The following SLC5A4 variants were observed in gnomAD, a reference collection of about 807,000 sequenced individuals.
The protein encoded by SLC5A4 is solute carrier family 5 member 4, also known as probable glucose sensor protein SLC5A4.
In SLC5A4, 55 loss-of-function variants were observed where a neutral mutation model predicts 70.3. The observed-to-expected ratio is 0.78, with a 90% CI of 0.63 to 0.98. The LOEUF is 0.98. Among genes scored for constraint, SLC5A4 ranks in the 50% least tolerant of loss-of-function variants. The pLI is 0.00. For missense variants in SLC5A4, 735 were observed against 839.2 expected, an observed-to-expected ratio of 0.88 and a Z score of 1.53; for synonymous variants, 268 against 305.7, an observed-to-expected ratio of 0.88 and a Z score of 1.29.
the SLC5A4 span, among the ~76,000 whole-genome samples, chr22:32,294,387 AG>A: frequency 8.9e-6 from 1 of 112,490 alleles, no homozygotes. Flanking sequence ...TGCAATTGTG[AG>A]AAGTAGTACA....
chr22:32,229,412 T>A, intron 10 of SLC5A4, 68 bp from the exon 11 acceptor site: 1 of 1,542,702 alleles, frequency 6.5e-7, no homozygotes, highest in South Asian at 1.2e-5. Context: ...CAGAGAGGGT[T>A]GAAAGGTTAA....
the SLC5A4 span, among the ~76,000 whole-genome samples, chr22:32,310,222 T>G: frequency 1.3e-5 from 2 of 152,048 alleles, no homozygotes; most frequent in Admixed American, 1.3e-4. Flanking sequence ...CAGTTCCTTT[T>G]TGGCAGAGTA....
At chr22:32,297,389 T>C in the SLC5A4 span, among the ~76,000 whole-genome samples, 1 of 151,682 alleles carries the variant, frequency 6.6e-6, no homozygotes, top group African/African-American at 2.4e-5. Context: ...TGGGAGAGTG[T>C]ACGTGTCCAG....
At chr22:32,326,616 C>CCTACTTGTA in the SLC5A4 span, among the ~76,000 whole-genome samples, 1 of 152,092 alleles carries the variant, frequency 6.6e-6, no homozygotes, top group Non-Finnish European at 1.5e-5. Context: ...TGCTATTAAT[C>CCTACTTGTA]CTACTTGTAA....
intron 14 of SLC5A4, 69 bp downstream of exon 14, chr22:32,220,851 A>T: frequency 9.8e-7 from 1 of 1,018,400 alleles, no homozygotes; most frequent in Non-Finnish European, 1.6e-6. Flanking sequence ...TAATGACATT[A>T]AAAGAAAACC....
chr22:32,305,864 T>C, the SLC5A4 span, among the ~76,000 whole-genome samples: 2 of 149,966 alleles, frequency 1.3e-5, no homozygotes, highest in Non-Finnish European at 3.0e-5. Context: ...TTCGGCTCTG[T>C]CTCGTCTGGT....
chr22:32,254,751 CCAAG>C (rs1356667088), intron 1 of SLC5A4, among the ~76,000 whole-genome samples: 1 of 151,836 alleles, frequency 6.6e-6, no homozygotes, highest in East Asian at 1.9e-4. Context: ...TTGCAGTGAG[CCAAG>C]CAAGCGCCAC....
upstream of SLC5A4, among the ~76,000 whole-genome samples, chr22:32,258,941 G>A (rs964685351): frequency 6.6e-5 from 10 of 152,196 alleles, no homozygotes; most frequent in Admixed American, 1.3e-4. Context: ...GAACCTTGAG[G>A]ACATTATGCT....
chr22:32,308,897 C>T, the SLC5A4 span, among the ~76,000 whole-genome samples: 4 of 152,192 alleles, frequency 2.6e-5, no homozygotes, highest in Non-Finnish European at 5.9e-5. Flanking sequence ...AGGCCTGTTG[C>T]ACATGTTCCC....
chr22:32,289,135 T>G, the SLC5A4 span, among the ~76,000 whole-genome samples: 1 of 152,176 alleles, frequency 6.6e-6, no homozygotes, highest in African/African-American at 2.4e-5. Flanking sequence ...TAAAAGAAAG[T>G]TCCCTTGGAC....
rs77640072 is a variant in SLC5A4, at chr22:32,231,889, CT to C, written c.1022-815del. ...ATTCCCCACTAGTTAGATACCTACA[CT>C]TTTTTTTTTTAAGAGACGGGGTCTC... On this transcript the variant is annotated intron_variant, in intron 9 of 14. Coordinates refer to ENST00000266086, the MANE Select transcript of SLC5A4 (RefSeq NM_014227.3). 8.6e-4 allele frequency among the ~76,000 whole-genome samples: 126 copies of C among 146,322 alleles called. No individual in the cohort carries two copies. In the East Asian group the frequency reaches 9.7e-3, roughly 11 times the overall value.
intron 5 of SLC5A4, among the ~76,000 whole-genome samples, 183 bp from the exon 6 acceptor site, chr22:32,239,273 T>C (rs569046584): frequency 6.6e-6 from 1 of 151,750 alleles, no homozygotes; most frequent in Admixed American, 6.6e-5. Context: ...ATTTTTACTC[T>C]CTTCACTCTC....
chr22:32,355,014 A>G, the SLC5A4 span: 3 of 152,052 alleles, frequency 2.0e-5, no homozygotes, highest in African/African-American at 7.2e-5. Context: ...TTTTCCTCTA[A>G]GCCAGTACTA....
the SLC5A4 span, chr22:32,271,347 G>A: frequency 1.4e-6 from 1 of 737,736 alleles, no homozygotes; most frequent in Non-Finnish European, 2.4e-6. Flanking sequence ...CGTCAAGGAG[G>A]TGCTGCTGGT....
At chr22:32,257,803 T>C (rs188049961), upstream of SLC5A4, among the ~76,000 whole-genome samples, 1,532 of 151,542 alleles carry the variant, frequency 0.01, 26 homozygotes, top group African/African-American at 0.034. Context: ...GTAGCTGGGA[T>C]TACAGAAACA....
the SLC5A4 span, among the ~76,000 whole-genome samples, chr22:32,292,250 C>A: frequency 8.8e-6 from 1 of 114,046 alleles, no homozygotes; most frequent in African/African-American, 3.4e-5. Context: ...ATAATATATA[C>A]TAGATATTAT....
the SLC5A4 span, among the ~76,000 whole-genome samples, chr22:32,353,596 C>G: frequency 5.3e-5 from 8 of 152,046 alleles, no homozygotes; most frequent in Non-Finnish European, 1.2e-4. Flanking sequence ...CAGCCCCCAA[C>G]AGCACCCCTA....
the SLC5A4 span, among the ~76,000 whole-genome samples, chr22:32,347,346 C>T: frequency 6.6e-6 from 1 of 152,160 alleles, no homozygotes; most frequent in African/African-American, 2.4e-5. Context: ...CCAGCCATCC[C>T]ATTACTGGGT....
Position 32,239,057 on chromosome 22 carries a change from GC to G in SLC5A4, c.510del (p.Lys170AsnfsTer18). The G allele has an allele frequency of 6.2e-7, 1 of 1,613,962 alleles. No homozygotes were observed. Among genetic ancestry groups the G allele is most frequent in the South Asian group, 1.1e-5 (1 of 91,066 alleles). On this transcript the variant is annotated frameshift_variant, in exon 6 of 15. Transcript: ENST00000266086. LOFTEE classifies it high-confidence loss of function. The stretch of plus-strand genomic sequence containing the variant: ...AGGTAAAGGTCCAATCCCAAGGCCA[GC>G]TTGATGAATATGGCTCCAGCAAATA... ...ADIFAGAIFI[K>X]LALGLDLYLA...
Sources: allele counts gnomAD v4.1 joint callset (sites outside exome capture counted in the v4.1 genomes callset), GRCh38; gene constraint gnomAD v4.1.1; transcripts MANE v1.5; gene names NCBI Gene and HGNC (gene_info 2026-07-23, HGNC 2026-07-21).